The following IL13RA1 variants were observed in gnomAD, a reference collection of about 807,000 sequenced individuals.
IL13RA1 encodes interleukin-13 receptor subunit alpha-1.
In IL13RA1, 14 loss-of-function variants were observed where a neutral mutation model predicts 33.8. The observed-to-expected ratio is 0.41, with a 90% CI of 0.27 to 0.65. The LOEUF (loss-of-function observed/expected upper bound fraction) is 0.65, where lower values mean the gene tolerates loss of function less well. IL13RA1 is among the 30% of genes least tolerant of loss of function. The probability of loss-of-function intolerance (pLI) is 0.28; values close to 1 mark genes in which losing one functional copy is unlikely to be tolerated. For synonymous variants in IL13RA1, 116 were observed against 115.7 expected (o/e 1.00, Z -0.02); for missense variants, 313 against 327.0 (o/e 0.96, Z 0.33).
At chrX:118,756,313 G>C (rs2017529567) in intron 4 of IL13RA1, among the ~76,000 whole-genome samples, 1 of 111,074 alleles carries the variant, frequency 9.0e-6, no homozygotes, top group Non-Finnish European at 1.9e-5. Flanking sequence ...ACAGTTCTCT[G>C]ATAGCCTAGA....
Position 118,741,100 on chromosome X carries a change from G to A in IL13RA1, c.172G>A (p.Ala58Thr). 1 of 1,150,993 alleles carries A rather than the reference G, an allele frequency of 8.7e-7. No homozygotes were observed. The highest frequency in any genetic ancestry group is 1.8e-5 in the African/African-American group (1 of 56,751). 94.9% of individuals were successfully genotyped at this position (1,150,993 alleles called of 1,213,427 possible). ...ATGGACATGGAATCCACCCGAGGGA[G>A]CCAGCTCAAATTGTAGTCTATGGTA... is the stretch of plus-strand genomic sequence containing the variant. ...VIWTWNPPEG[A>T]SSNCSLWYFS... The change falls in exon 2 of 11, where the codon GCC (alanine) becomes ACC (threonine). Residue 58 changes from alanine (A) to threonine (T), a missense_variant. Coordinates refer to ENST00000371666, the MANE Select transcript of IL13RA1 (RefSeq NM_001560.3).
intron 6 of IL13RA1, 84 bp downstream of exon 6, chrX:118,761,373 T>A: frequency 2.2e-6 from 1 of 460,121 alleles, no homozygotes; most frequent in Non-Finnish European, 3.6e-6. Flanking sequence ...GAAACATAGC[T>A]CTTACATTTG....
At chrX:118,742,220 TGA>T (rs1261736244) in intron 2 of IL13RA1, among the ~76,000 whole-genome samples, 1 of 112,311 alleles carries the variant, frequency 8.9e-6, no homozygotes, top group African/African-American at 3.2e-5. Context: ...AGGCGTTAAT[TGA>T]TAAAGAATTG....
chrX:118,736,186 C>T (rs907849890), intron 1 of IL13RA1, among the ~76,000 whole-genome samples: 1 of 111,598 alleles, frequency 9.0e-6, no homozygotes, highest in African/African-American at 3.3e-5. Context: ...TCTTGACTCT[C>T]TCCACATCTT....
At chrX:118,796,788 G>A (rs893312286), downstream of IL13RA1, among the ~76,000 whole-genome samples, 1 of 112,394 alleles carries the variant, frequency 8.9e-6, no homozygotes, top group East Asian at 2.8e-4. Context: ...CGCCCGCCTC[G>A]GCCTCCCAAA....
intron 10 of IL13RA1, among the ~76,000 whole-genome samples, chrX:118,786,807 G>A (rs149687248): frequency 2.0e-3 from 219 of 112,076 alleles, no homozygotes; most frequent in Middle Eastern, 0.014. Flanking sequence ...TTAAGGATTA[G>A]TTTTGAGTTT....
chrX:118,727,896 A>T (rs139475064), intron 1 of IL13RA1, among the ~76,000 whole-genome samples, 170 bp downstream of exon 1: 1 of 111,264 alleles, frequency 9.0e-6, no homozygotes. Context: ...CCCGCGCGGG[A>T]TCTCTGGGGC....
chrX:118,795,600 A>C (rs2018026021), downstream of IL13RA1, among the ~76,000 whole-genome samples: 1 of 112,382 alleles, frequency 8.9e-6, no homozygotes, highest in African/African-American at 3.2e-5. Flanking sequence ...ATTACAACAG[A>C]AAACATTTAA....
At chrX:118,729,952 A>G (rs1291638583) in intron 1 of IL13RA1, among the ~76,000 whole-genome samples, 1 of 112,160 alleles carries the variant, frequency 8.9e-6, no homozygotes, top group Non-Finnish European at 1.9e-5. Context: ...CCAGGGTAGC[A>G]GGGCAGGACG....
intron 6 of IL13RA1, 53 bp from the exon 7 acceptor site, chrX:118,766,477 G>C: frequency 1.6e-6 from 1 of 607,222 alleles, no homozygotes; most frequent in South Asian, 2.9e-5. Context: ...ATAGAAAATG[G>C]GTTTTTAAAC....
At chrX:118,795,344 C>T (rs1354481345), downstream of IL13RA1, among the ~76,000 whole-genome samples, 2 of 111,175 alleles carry the variant, frequency 1.8e-5, no homozygotes, top group Non-Finnish European at 3.8e-5. Context: ...GGTTTTCTTC[C>T]CCTCATTTGT....
downstream of IL13RA1, among the ~76,000 whole-genome samples, chrX:118,795,266 C>T (rs2018024028): frequency 9.2e-6 from 1 of 108,627 alleles, no homozygotes; most frequent in African/African-American, 3.5e-5. Flanking sequence ...AATAGCTGTC[C>T]TTTTAAAAGC....
At chrX:118,784,167 G>GCATATATACA (rs1569459471) in intron 10 of IL13RA1, among the ~76,000 whole-genome samples, 5 of 62,685 alleles carry the variant, frequency 8.0e-5, no homozygotes, top group African/African-American at 3.4e-4. Context: ...ACATATATAC[G>GCATATATACA]TATATATATT....
chrX:118,776,530 G>T lies in IL13RA1; in HGVS notation c.1191+19G>T, dbSNP rs376530814. 1 of 538,277 alleles carries T rather than the reference G, an allele frequency of 1.9e-6. No homozygotes were observed. The allele number at this position is 538,277 out of a possible 1,213,427, so 44.4% of individuals were successfully genotyped here. On this transcript the variant is annotated intron_variant, in intron 10 of 10. Transcript: ENST00000371666. ...TACTCTGGTAAGAACAGATTTCATGGGGCTTGAAATGTTTTTTTTTTTTTT... is the reference window on the plus strand; with the variant it reads ...TACTCTGGTAAGAACAGATTTCATGTGGCTTGAAATGTTTTTTTTTTTTTT...
chrX:118,778,256 T>C (rs1321124848), intron 10 of IL13RA1, among the ~76,000 whole-genome samples: 1 of 111,620 alleles, frequency 9.0e-6, no homozygotes, highest in Admixed American at 9.6e-5. Context: ...AGTGATGATA[T>C]TTGGTTAGGG....
At chrX:118,768,427 A>G (rs2017673419) in intron 8 of IL13RA1, among the ~76,000 whole-genome samples, 1 of 111,830 alleles carries the variant, frequency 8.9e-6, no homozygotes, top group African/African-American at 3.3e-5. Flanking sequence ...CTGGGGACAG[A>G]GCATCCATTT....
intron 10 of IL13RA1, among the ~76,000 whole-genome samples, chrX:118,783,724 T>TATAA (rs2017870061): frequency 9.9e-6 from 1 of 101,166 alleles, no homozygotes; most frequent in Non-Finnish European, 2.0e-5. Context: ...TTTTAATAGT[T>TATAA]ATACAGTTTT....
chrX:118,746,533 GAT>G (rs1250898882), intron 2 of IL13RA1, among the ~76,000 whole-genome samples: 12 of 111,592 alleles, frequency 1.1e-4, no homozygotes, highest in African/African-American at 3.6e-4. Context: ...TTAGAGAGTT[GAT>G]ATGTTAGCAT....
chrX:118,740,227 G>A (rs111914507), intron 1 of IL13RA1, among the ~76,000 whole-genome samples: 2,041 of 112,295 alleles, frequency 0.018, 46 homozygotes, highest in African/African-American at 0.061. Flanking sequence ...AAAGTGCCAG[G>A]ATTACAGGTG....
Sources: gnomAD v4.1 joint callset for allele counts (sites outside exome capture counted in the v4.1 genomes callset) on GRCh38, gnomAD v4.1.1 for gene constraint, MANE v1.5 for transcripts, NCBI Gene and HGNC (gene_info 2026-07-23, HGNC 2026-07-21) for gene names.